Variants in THAP10 observed in about 807,000 individuals in gnomAD.
THAP10 encodes THAP domain containing 10.
In THAP10, 10 loss-of-function variants were observed where a neutral mutation model predicts 15.7. The observed-to-expected ratio is 0.64, with a 90% CI of 0.39 to 1.08. The LOEUF is 1.08. THAP10 is among the 50% of genes least tolerant of loss of function. The probability of loss-of-function intolerance (pLI) is 0.01; values close to 1 mark genes in which losing one functional copy is unlikely to be tolerated. For synonymous variants in THAP10, 127 were observed against 129.1 expected, an observed-to-expected ratio of 0.98 and a Z score of 0.11; for missense variants, 310 against 330.9, an observed-to-expected ratio of 0.94 and a Z score of 0.49.
At chr15:70,891,597 GTGT>G (rs1406100331) in intron 1 of THAP10, among the ~76,000 whole-genome samples, 4 of 151,312 alleles carry the variant, frequency 2.6e-5, no homozygotes, top group African/African-American at 9.7e-5. Context: ...GTGTGTGTGT[GTGT>G]GTGTGTGTGT....
intron 1 of THAP10, among the ~76,000 whole-genome samples, chr15:70,891,424 G>A (rs747629547): frequency 1.3e-5 from 2 of 152,132 alleles, no homozygotes; most frequent in Non-Finnish European, 2.9e-5. Context: ...ACACAAATAA[G>A]GGACTTTCCT....
rs1435364605 is a variant in THAP10, at chr15:70,881,752, G to T, written c.*702C>A. 6.6e-6 allele frequency: 1 copy of T among 152,218 alleles called. No homozygotes were observed. The highest frequency in any genetic ancestry group is 1.5e-5 in the Non-Finnish European group (1 of 68,050). The allele number at this position is 152,218 out of a possible 1,614,324, so 9.4% of individuals were successfully genotyped here. On this transcript the variant is annotated 3_prime_UTR_variant, in exon 3 of 3. Transcript: ENST00000249861. ...TACTTTTATTTTTCATGATGTTAATGATTCTAATCTAAATTAATCAAGCTA... is the reference window on the plus strand; with the variant it reads ...TACTTTTATTTTTCATGATGTTAATTATTCTAATCTAAATTAATCAAGCTA...
Position 70,885,871 on chromosome 15 carries a change from A to C in THAP10, c.430-2963T>G, listed in dbSNP as rs555021538. ...ATAGACATCAGTGGAACACTATCCA[A>C]GTGCAGTACGCACATTCATCTCAAG... On this transcript the variant is annotated intron_variant, in intron 1 of 2. Coordinates refer to ENST00000249861, the MANE Select transcript of THAP10 (RefSeq NM_020147.4). Among the ~76,000 whole-genome samples, 8 of 152,328 alleles carry C rather than the reference A, an allele frequency of 5.3e-5. No individual in the cohort carries two copies. The East Asian group carries it at 1.5e-3, about 29-fold the overall frequency.
In THAP10 at chr15:70,882,654, A is replaced by G; in HGVS notation, c.578-4T>C. The G allele has an allele frequency of 6.2e-7, 1 of 1,613,546 alleles. No homozygotes were observed. The highest frequency in any genetic ancestry group is 8.5e-7 in the Non-Finnish European group (1 of 1,179,640). On this transcript the variant is annotated splice_region_variant and splice_polypyrimidine_tract_variant and intron_variant, in intron 2 of 2. Coordinates refer to ENST00000249861, the MANE Select transcript of THAP10 (RefSeq NM_020147.4). ...GCTTTCACTTTGGCTTGAATACCTG[A>G]AAGAGAATAAGCATAAGTACCTATG... is the stretch of plus-strand genomic sequence containing the variant.
chr15:70,883,096 T>C (rs1211108907), intron 1 of THAP10, among the ~76,000 whole-genome samples, 188 bp from the exon 2 acceptor site: 1 of 152,242 alleles, frequency 6.6e-6, no homozygotes, highest in African/African-American at 2.4e-5. Context: ...ATTGTCTTTT[T>C]TCCACTTATA....
intron 1 of THAP10, among the ~76,000 whole-genome samples, chr15:70,886,972 T>A (rs776352843): frequency 6.6e-6 from 1 of 152,022 alleles, no homozygotes. Flanking sequence ...AATACAAGAT[T>A]ATCATGAAGG....
intron 1 of THAP10, among the ~76,000 whole-genome samples, chr15:70,890,353 C>T (rs1389767129): frequency 6.6e-6 from 1 of 152,094 alleles, no homozygotes; most frequent in African/African-American, 2.4e-5. Context: ...GACAGGTATA[C>T]AGCTTGGTGA....
rs574331557 is a variant in THAP10, at chr15:70,890,821, C to T, written c.429+1023G>A. Reference sequence around the variant, plus strand: ...AGGAAGTAATATAGTATAGTATGTCCAAGAACTGAAAGGTCAGCATGATGG... The same window carrying T: ...AGGAAGTAATATAGTATAGTATGTCTAAGAACTGAAAGGTCAGCATGATGG... On this transcript the variant is annotated intron_variant, in intron 1 of 2. Transcript: ENST00000249861. Among the ~76,000 whole-genome samples, 9 of 152,148 alleles carry T rather than the reference C, an allele frequency of 5.9e-5. 1 individual carries two copies. The South Asian group carries it at 1.9e-3, about 32-fold the overall frequency.
intron 1 of THAP10, among the ~76,000 whole-genome samples, chr15:70,886,176 T>C (rs542378821): frequency 6.6e-6 from 1 of 152,322 alleles, no homozygotes; most frequent in Non-Finnish European, 1.5e-5. Context: ...AGTAAAGCCA[T>C]GTTAGGTGGG....
chr15:70,886,823 G>A (rs539775848), intron 1 of THAP10, among the ~76,000 whole-genome samples: 176 of 151,822 alleles, frequency 1.2e-3, no homozygotes, highest in Middle Eastern at 6.8e-3. Context: ...CTGAGATTGC[G>A]CCACTGCACT....
rs1195046229 is a variant in THAP10, at chr15:70,891,880, T to C, written c.393A>G (p.Thr131=). 1 of 1,610,752 alleles carries C rather than the reference T, an allele frequency of 6.2e-7. No homozygotes were observed. The highest frequency in any genetic ancestry group is 8.5e-7 in the Non-Finnish European group (1 of 1,179,028). The change falls in exon 1 of 3, where the codon ACA becomes ACG. Residue 131 remains threonine (T), a synonymous_variant. Coordinates refer to ENST00000249861, the MANE Select transcript of THAP10 (RefSeq NM_020147.4). Reference sequence around the variant, plus strand: ...CAGCCTGCTTCCCAGCTCGGGGGCGTGTACAGGAGACTGGACCTGGGGCAG... The same window carrying C: ...CAGCCTGCTTCCCAGCTCGGGGGCGCGTACAGGAGACTGGACCTGGGGCAG... ...SEAAPGPVSC[T]RPRAGKQAAA...
At chr15:70,883,402 C>G (rs2033318859) in intron 1 of THAP10, among the ~76,000 whole-genome samples, 1 of 152,108 alleles carries the variant, frequency 6.6e-6, no homozygotes. Flanking sequence ...CCATGTTAGC[C>G]AGGCTGGTCT....
rs188076201 is a variant in THAP10, at chr15:70,883,984, A to G, written c.430-1076T>C. The stretch of plus-strand genomic sequence containing the variant: ...AAATTTGATTTGTAGGGGAACTAAT[A>G]TGGGTGAGAGGTAGAAAGAAGGAGG... On this transcript the variant is annotated intron_variant, in intron 1 of 2. Transcript: ENST00000249861. 2.6e-5 allele frequency among the ~76,000 whole-genome samples: 4 copies of G among 152,184 alleles called. No homozygotes were observed. In the East Asian group the frequency reaches 7.7e-4, roughly 29 times the overall value.
chr15:70,883,996 T>C (rs1348184150), intron 1 of THAP10, among the ~76,000 whole-genome samples: 1 of 151,592 alleles, frequency 6.6e-6, no homozygotes, highest in Admixed American at 6.6e-5. Flanking sequence ...GGGTGAGAGG[T>C]AGAAAGAAGG....
At chr15:70,890,160 A>G (rs557021415) in intron 1 of THAP10, among the ~76,000 whole-genome samples, 1 of 152,248 alleles carries the variant, frequency 6.6e-6, no homozygotes, top group African/African-American at 2.4e-5. Flanking sequence ...TTCTTCTCCC[A>G]ATTTTTGATT....
At chr15:70,890,349 T>C (rs935517706) in intron 1 of THAP10, among the ~76,000 whole-genome samples, 3 of 152,204 alleles carry the variant, frequency 2.0e-5, no homozygotes, top group African/African-American at 4.8e-5. Flanking sequence ...TCTTGACAGG[T>C]ATACAGCTTG....
At chr15:70,883,015 A>G (rs1039899499) in intron 1 of THAP10, 107 bp from the exon 2 acceptor site, 112 of 1,109,000 alleles carry the variant, frequency 1.0e-4, no homozygotes, top group Non-Finnish European at 1.3e-4. Context: ...TTTCAGTCAC[A>G]TATTAGTAAG....
chr15:70,890,963 T>A (rs865919396), intron 1 of THAP10, among the ~76,000 whole-genome samples: 1 of 152,274 alleles, frequency 6.6e-6, no homozygotes, highest in Middle Eastern at 3.4e-3. Flanking sequence ...TCTTAATAAT[T>A]GCAAGATGCC....
At chr15:70,885,427 C>A (rs1340135548) in intron 1 of THAP10, among the ~76,000 whole-genome samples, 1 of 152,032 alleles carries the variant, frequency 6.6e-6, no homozygotes, top group African/African-American at 2.4e-5. Context: ...AGAAACCAAA[C>A]CTATGCACAC....
Sources: gnomAD v4.1 joint callset for allele counts (sites outside exome capture counted in the v4.1 genomes callset) on GRCh38, gnomAD v4.1.1 for gene constraint, MANE v1.5 for transcripts, NCBI Gene and HGNC (gene_info 2026-07-23, HGNC 2026-07-21) for gene names.